FYB1: variants seen among roughly 807,000 people sequenced by gnomAD.
FYB1 encodes FYN-binding protein 1.
FYB1 carries 41 observed loss-of-function variants against 94.1 expected under a neutral mutation model. That is an observed-to-expected ratio of 0.44 (90% CI 0.34 to 0.57). The LOEUF (loss-of-function observed/expected upper bound fraction) is 0.57, where lower values mean the gene tolerates loss of function less well. FYB1 is among the 20% of genes least tolerant of loss of function. The pLI is 0.02. For synonymous variants in FYB1, 367 were observed against 353.2 expected (o/e 1.04, Z -0.44); for missense variants, 1,050 against 976.8 (o/e 1.07, Z -1.00).
At chr5:39,125,967 T>A (rs1740624099) in intron 12 of FYB1, 31 bp downstream of exon 12, 1 of 1,601,254 alleles carries the variant, frequency 6.2e-7, no homozygotes, top group African/African-American at 1.3e-5. Context: ...GTGTAGTTAT[T>A]GTACACTGGA....
chr5:39,166,856 G>C (rs1744784112), intron 2 of FYB1, among the ~76,000 whole-genome samples: 1 of 151,886 alleles, frequency 6.6e-6, no homozygotes, highest in South Asian at 2.1e-4. Context: ...TGGGTACAAT[G>C]TACACTATTC....
At chr5:39,152,910 G>A (rs1316645658) in intron 3 of FYB1, among the ~76,000 whole-genome samples, 1 of 152,218 alleles carries the variant, frequency 6.6e-6, no homozygotes, top group African/African-American at 2.4e-5. Flanking sequence ...TACATTGGTT[G>A]AAATTTTTAT....
Position 39,166,567 on chromosome 5 carries a change from T to C in FYB1, c.1136-12963A>G, listed in dbSNP as rs79920849. Among the ~76,000 whole-genome samples the C allele has an allele frequency of 3.0e-3, 450 of 152,250 alleles. 2 individuals are homozygous for C. The highest frequency in any genetic ancestry group is 0.011 in the African/African-American group (442 of 41,548). On this transcript the variant is annotated intron_variant, in intron 2 of 18. Transcript: ENST00000512982. Reference sequence around the variant, plus strand: ...TAAGTGTCCATCAATGGATGAAACTTATAAAATGGATGACACTGATAAAGA... The same window carrying C: ...TAAGTGTCCATCAATGGATGAAACTCATAAAATGGATGACACTGATAAAGA...
intron 1 of FYB1, among the ~76,000 whole-genome samples, chr5:39,231,954 TAAAAA>T (rs1050525554): frequency 6.6e-6 from 1 of 151,764 alleles, no homozygotes; most frequent in Non-Finnish European, 1.5e-5. Flanking sequence ...TGAAGAGACT[TAAAAA>T]AAAGTGACTG....
intron 9 of FYB1, among the ~76,000 whole-genome samples, chr5:39,132,399 C>T (rs1044460563): frequency 6.6e-6 from 1 of 152,128 alleles, no homozygotes; most frequent in Non-Finnish European, 1.5e-5. Context: ...ATAGAAATGT[C>T]TTCTTCTTTA....
intron 18 of FYB1, 90 bp from the exon 19 acceptor site, chr5:39,107,555 T>C (rs1283362047): frequency 6.3e-6 from 5 of 794,616 alleles, no homozygotes; most frequent in South Asian, 4.7e-5. Context: ...ATTCATACTC[T>C]CCTGGTTAAG....
rs62358730 is a variant in FYB1, at chr5:39,185,278, G to A, written c.1135+16548C>T. On this transcript the variant is annotated intron_variant, in intron 2 of 18. Coordinates refer to ENST00000512982, the MANE Select transcript of FYB1 (RefSeq NM_001465.6). ...TCATAAATACACTGTCAATACCTGA[G>A]GATGATTGAATTTTTCACTCTTCTT... Among the ~76,000 whole-genome samples the A allele has an allele frequency of 7.4e-3, 1,121 of 152,002 alleles. 6 individuals carry two copies. The highest frequency in any genetic ancestry group is 0.01 in the Non-Finnish European group (696 of 67,968).
chr5:39,211,243 A>G (rs1411310085), intron 1 of FYB1, among the ~76,000 whole-genome samples: 6 of 152,118 alleles, frequency 3.9e-5, no homozygotes, highest in Admixed American at 3.9e-4. Flanking sequence ...AATACAATAT[A>G]AGTTCTTTCA....
chr5:39,210,130 C>T (rs1561271473), intron 1 of FYB1, among the ~76,000 whole-genome samples: 2 of 152,156 alleles, frequency 1.3e-5, no homozygotes, highest in Non-Finnish European at 1.5e-5. Flanking sequence ...GCGGTGGTAG[C>T]CCTGATTGTG....
At chr5:39,234,526 GCAATCC>G (rs1750875371) in intron 1 of FYB1, among the ~76,000 whole-genome samples, 1 of 152,106 alleles carries the variant, frequency 6.6e-6, no homozygotes, top group African/African-American at 2.4e-5. Context: ...ATTTGACCCA[GCAATCC>G]CATTACTGGG....
At chr5:39,248,682 C>CA (rs1185146223) in intron 1 of FYB1, among the ~76,000 whole-genome samples, 2 of 152,064 alleles carry the variant, frequency 1.3e-5, no homozygotes, top group African/African-American at 4.8e-5. Flanking sequence ...ACTAAAAATA[C>CA]AAAAATTAGC....
rs540199651 is a variant in FYB1, at chr5:39,155,188, C to T, written c.1136-1584G>A. ...CACAGCATGTGACACAAACACATTCCTAATTTCTTCTAGATATTTCTCCCT... is the reference window on the plus strand; with the variant it reads ...CACAGCATGTGACACAAACACATTCTTAATTTCTTCTAGATATTTCTCCCT... On this transcript the variant is annotated intron_variant, in intron 2 of 18. Coordinates refer to ENST00000512982, the MANE Select transcript of FYB1 (RefSeq NM_001465.6). Among the ~76,000 whole-genome samples, 11 of 152,326 alleles carry T rather than the reference C, an allele frequency of 7.2e-5. No individual in the cohort carries two copies. In the South Asian group the frequency reaches 2.3e-3, roughly 32 times the overall value.
At chr5:39,152,784 T>C (rs1162880744) in intron 3 of FYB1, among the ~76,000 whole-genome samples, 4 of 152,250 alleles carry the variant, frequency 2.6e-5, no homozygotes, top group African/African-American at 9.6e-5. Flanking sequence ...AAAAGTTTCC[T>C]AGATGTTAAC....
intron 1 of FYB1, among the ~76,000 whole-genome samples, chr5:39,247,701 G>T (rs965719221): frequency 8.6e-5 from 13 of 151,406 alleles, no homozygotes; most frequent in African/African-American, 2.7e-4. Flanking sequence ...CACCATTTTT[G>T]AATATATTAC....
chr5:39,180,029 G>C (rs1204484968), intron 2 of FYB1, among the ~76,000 whole-genome samples: 1 of 152,082 alleles, frequency 6.6e-6, no homozygotes, highest in Non-Finnish European at 1.5e-5. Context: ...GGTAATGTAA[G>C]TGCCCATTTT....
chr5:39,231,147 CAAA>C (rs747268330), intron 1 of FYB1, among the ~76,000 whole-genome samples: 1,320 of 40,936 alleles, frequency 0.032, 32 homozygotes, highest in African/African-American at 0.096. Context: ...CAGCTCAGAG[CAAA>C]AAAAAAAAAA....
At chr5:39,169,769 G>T in intron 2 of FYB1, 1 of 491,422 alleles carries the variant, frequency 2.0e-6, no homozygotes, top group Non-Finnish European at 4.0e-6. Context: ...TGTGCTCAGT[G>T]CAGGCAGCAT....
chr5:39,107,489 A>T (rs764709582), intron 18 of FYB1, 24 bp from the exon 19 acceptor site: 2 of 1,467,962 alleles, frequency 1.4e-6, no homozygotes, highest in South Asian at 2.7e-5. Context: ...ATACAAATTT[A>T]AATATAGTTA....
chr5:39,234,696 G>A (rs1221285484), intron 1 of FYB1, among the ~76,000 whole-genome samples: 1 of 152,128 alleles, frequency 6.6e-6, no homozygotes, highest in Non-Finnish European at 1.5e-5. Flanking sequence ...TATACACCAT[G>A]GAATACTATG....
Sources: allele counts gnomAD v4.1 joint callset (sites outside exome capture counted in the v4.1 genomes callset), GRCh38; gene constraint gnomAD v4.1.1; transcripts MANE v1.5; gene names NCBI Gene and HGNC (gene_info 2026-07-23, HGNC 2026-07-21).